The following SEC24D variants were observed in gnomAD, a reference collection of about 807,000 sequenced individuals.
The protein encoded by SEC24D is SEC24 homolog D, COPII component.
Under a neutral mutation model 116.9 loss-of-function variants are expected in SEC24D, and 69 were observed. The observed-to-expected ratio is 0.59, with a 90% CI of 0.49 to 0.72. The LOEUF (loss-of-function observed/expected upper bound fraction) is 0.72, where lower values mean the gene tolerates loss of function less well. Ranked by LOEUF, SEC24D falls within the 30% of genes least tolerant of loss-of-function variation. SEC24D has a pLI of 0.00. For missense variants in SEC24D, 1,131 were observed against 1,264.1 expected (o/e 0.89, Z 1.60); for synonymous variants, 405 against 442.8 (o/e 0.91, Z 1.07).
intron 6 of SEC24D, among the ~76,000 whole-genome samples, chr4:118,810,512 A>G (rs1729876825): frequency 6.6e-6 from 1 of 152,240 alleles, no homozygotes; most frequent in Admixed American, 6.5e-5. Flanking sequence ...GGTCTTTACT[A>G]GGAATATCTG....
At chr4:118,801,032 C>T (rs561768850) in intron 7 of SEC24D, among the ~76,000 whole-genome samples, 10 of 152,140 alleles carry the variant, frequency 6.6e-5, no homozygotes, top group Non-Finnish European at 1.2e-4. Context: ...AAGGCCGAGA[C>T]GGGTGGATCA....
chr4:118,815,458 C>G lies in SEC24D; in HGVS notation c.666G>C (p.Pro222=). Residue 222 remains proline, a synonymous_variant, in exon 5 of 23, where the codon CCG becomes CCC. Transcript: ENST00000280551. The stretch of plus-strand genomic sequence containing the variant: ...GCACCCTGTCCGCCTTACCCTGCTG[C>G]GGAGGATATCCAGCACCCAAGGTCT... ...PGQTLGAGYP[P]QQANSGPQMA... The G allele has an allele frequency of 6.2e-7, 1 of 1,613,872 alleles. No individual in the cohort carries two copies. Among genetic ancestry groups the G allele is most frequent in the Non-Finnish European group, 8.5e-7 (1 of 1,179,882 alleles).
chr4:118,790,208 C>G (rs1433939982), intron 8 of SEC24D, among the ~76,000 whole-genome samples: 1 of 152,144 alleles, frequency 6.6e-6, no homozygotes, highest in Non-Finnish European at 1.5e-5. Context: ...AAGGAAATTA[C>G]TTTGACTACT....
At chr4:118,817,504 C>T in intron 3 of SEC24D, 92 bp from the exon 4 acceptor site, 1 of 1,122,530 alleles carries the variant, frequency 8.9e-7, no homozygotes, top group African/African-American at 1.6e-5. Context: ...TTAAATTAAG[C>T]CTGTCTAGTA....
At chr4:118,804,388 A>ATTGG (rs1036988864) in intron 7 of SEC24D, among the ~76,000 whole-genome samples, 10 of 152,126 alleles carry the variant, frequency 6.6e-5, no homozygotes, top group African/African-American at 2.4e-4. Context: ...AGACGATGAG[A>ATTGG]TTGGTATATG....
rs148600826 is a variant in SEC24D at position 118,789,645 on chromosome 4, C to T, written c.1041+8038G>A. On this transcript the variant is annotated intron_variant, in intron 8 of 22. Transcript: ENST00000280551. Reference sequence around the variant, plus strand: ...TGTCACTTAAGCTAGAGCGCAGTGGCGCAACCTTAGCTCACTGCAACCTCT... The same window carrying T: ...TGTCACTTAAGCTAGAGCGCAGTGGTGCAACCTTAGCTCACTGCAACCTCT... Among the ~76,000 whole-genome samples the T allele has an allele frequency of 2.6e-4, 39 of 152,326 alleles. No individual in the cohort carries two copies. In the East Asian group the frequency reaches 6.9e-3, roughly 27 times the overall value.
At chr4:118,749,631 G>A (rs1308944969) in intron 13 of SEC24D, among the ~76,000 whole-genome samples, 3 of 152,000 alleles carry the variant, frequency 2.0e-5, no homozygotes, top group African/African-American at 7.3e-5. Context: ...CACAGTCCTG[G>A]GCTTTCTAAA....
Position 118,752,880 on chromosome 4 carries a change from T to C in SEC24D, c.1430A>G (p.Gln477Arg), listed in dbSNP as rs1344424268. 84 of 1,562,092 alleles carry C rather than the reference T, an allele frequency of 5.4e-5. No homozygotes were observed. The highest frequency in any genetic ancestry group is 7.0e-5 in the Non-Finnish European group (81 of 1,160,954). Residue 477 changes from glutamine (Q) to arginine (R), a missense_variant, in exon 12 of 23, where the codon CAA becomes CGA. By Grantham distance (43) the Gln-to-Arg change is conservative. Coordinates refer to ENST00000280551, the MANE Select transcript of SEC24D (RefSeq NM_014822.4). ...CACTCGAATTGCAGACGTCTCTTCT[T>C]GCTCTTCCCTGTAAGGAAAAAAAAA... ...TMLEKIPKEE[Q>R]EETSAIRVGF...
chr4:118,833,491 T>A, intron 2 of SEC24D, 88 bp downstream of exon 2: 1 of 873,022 alleles, frequency 1.1e-6, no homozygotes, highest in Non-Finnish European at 1.8e-6. Flanking sequence ...GATCATTCAA[T>A]GCTTTCAAAT....
intron 8 of SEC24D, among the ~76,000 whole-genome samples, chr4:118,795,145 AAAG>A (rs1276546923): frequency 1.3e-5 from 2 of 152,098 alleles, no homozygotes; most frequent in African/African-American, 4.8e-5. Flanking sequence ...TTGACTTTCA[AAAG>A]AAAAGACCAA....
intron 17 of SEC24D, 25 bp from the exon 18 acceptor site, chr4:118,739,312 A>G: frequency 6.3e-7 from 1 of 1,599,274 alleles, no homozygotes; most frequent in Non-Finnish European, 8.5e-7. Flanking sequence ...TTGAGGTCAC[A>G]TGTTTTTCTG....
At chr4:118,757,093 C>A (rs1220510794) in intron 11 of SEC24D, among the ~76,000 whole-genome samples, 1 of 152,100 alleles carries the variant, frequency 6.6e-6, no homozygotes, top group Non-Finnish European at 1.5e-5. Flanking sequence ...AGGTAATATG[C>A]CCAACAGCCT....
Position 118,723,670 on chromosome 4 carries a change from A to AT in SEC24D, c.2959-16_2959-15insA. On this transcript the variant is annotated splice_polypyrimidine_tract_variant and intron_variant, in intron 22 of 22. Transcript: ENST00000280551. Reference sequence around the variant, plus strand: ...ACAATTGTGAGCTAGGAAAAAAAAAACAAAACAGTAACAGCCCCTGGTTAT... The same window carrying AT: ...ACAATTGTGAGCTAGGAAAAAAAAAATCAAAACAGTAACAGCCCCTGGTTAT... 6.3e-7 allele frequency: 1 copy of AT among 1,591,738 alleles called. No homozygotes were observed.
At chr4:118,834,589 A>C (rs1731012416) in intron 1 of SEC24D, among the ~76,000 whole-genome samples, 1 of 132,558 alleles carries the variant, frequency 7.5e-6, no homozygotes, top group African/African-American at 2.9e-5. Context: ...TGATGATTTA[A>C]AAAAAAAAAT....
intron 3 of SEC24D, among the ~76,000 whole-genome samples, chr4:118,821,935 T>G (rs1256588787): frequency 1.3e-5 from 2 of 152,160 alleles, no homozygotes; most frequent in Non-Finnish European, 2.9e-5. Context: ...AGTATGCAAG[T>G]TGTAGCAAGT....
chr4:118,830,742 G>C (rs1398579966), intron 2 of SEC24D, among the ~76,000 whole-genome samples: 1 of 151,710 alleles, frequency 6.6e-6, no homozygotes, highest in Admixed American at 6.6e-5. Context: ...ATAGTATAGA[G>C]GCCTGAAAAA....
chr4:118,769,851 TA>T (rs1256804435), intron 8 of SEC24D: 1 of 152,218 alleles, frequency 6.6e-6, no homozygotes, highest in Admixed American at 6.5e-5. Context: ...GCCCCACTGG[TA>T]GGGGTTGTGA....
intron 15 of SEC24D, among the ~76,000 whole-genome samples, chr4:118,742,792 G>A (rs938362107): frequency 2.0e-5 from 3 of 148,382 alleles, no homozygotes; most frequent in African/African-American, 7.9e-5. Context: ...GTACACCCCT[G>A]ACCCCTTCTC....
chr4:118,785,959 T>G lies in SEC24D; in HGVS notation c.1041+11724A>C, dbSNP rs1482733928. 3.3e-5 allele frequency among the ~76,000 whole-genome samples: 5 copies of G among 152,334 alleles called. No homozygotes were observed. In the South Asian group the frequency reaches 1.0e-3, roughly 32 times the overall value. On this transcript the variant is annotated intron_variant, in intron 8 of 22. Transcript: ENST00000280551. ...AAATAAAATTTTCCATGGCAAAATT[T>G]GATATTGTATAGCAAATAATCATAA...
Sources: gnomAD v4.1 joint callset for allele counts (sites outside exome capture counted in the v4.1 genomes callset) on GRCh38, gnomAD v4.1.1 for gene constraint, MANE v1.5 for transcripts, NCBI Gene and HGNC (gene_info 2026-07-23, HGNC 2026-07-21) for gene names.